CTNNBL1: variants seen among roughly 807,000 people sequenced by gnomAD.
CTNNBL1 encodes the protein catenin beta like 1.
CTNNBL1 carries 31 observed loss-of-function variants against 72.7 expected under a neutral mutation model. The ratio of observed to expected loss-of-function variants is 0.43; its 90% CI spans 0.32 to 0.58. The LOEUF (loss-of-function observed/expected upper bound fraction) is 0.58. Among genes scored for constraint, CTNNBL1 ranks in the 20% least tolerant of loss-of-function variants. CTNNBL1 has a pLI of 0.08. For missense variants in CTNNBL1, 534 were observed against 725.1 expected (o/e 0.74, Z 3.03); for synonymous variants, 240 against 267.3 (o/e 0.90, Z 1.00).
At chr20:37,839,508 A>G (rs1221792354) in intron 11 of CTNNBL1, among the ~76,000 whole-genome samples, 2 of 152,232 alleles carry the variant, frequency 1.3e-5, no homozygotes, top group African/African-American at 4.8e-5. Context: ...ATAGTATTTC[A>G]TAATAGAAGC....
At chr20:37,860,211 A>G (rs1026285591) in intron 14 of CTNNBL1, 61 bp from the exon 15 acceptor site, 10 of 1,515,684 alleles carry the variant, frequency 6.6e-6, no homozygotes, top group Non-Finnish European at 9.2e-6. Context: ...AAGGTGATAC[A>G]TTCTGGTGTG....
At chr20:37,824,745 T>C (rs2122777663) in intron 11 of CTNNBL1, among the ~76,000 whole-genome samples, 1 of 152,326 alleles carries the variant, frequency 6.6e-6, no homozygotes, top group Non-Finnish European at 1.5e-5. Flanking sequence ...GGGATGTTTG[T>C]TTGCTTTTTA....
chr20:37,802,031 C>T (rs1000301358), intron 10 of CTNNBL1, among the ~76,000 whole-genome samples: 10 of 152,184 alleles, frequency 6.6e-5, no homozygotes, highest in Admixed American at 2.6e-4. Context: ...TATTTCTATA[C>T]GCTTGGAGTG....
Position 37,779,214 on chromosome 20 carries a change from G to A in CTNNBL1, c.910G>A (p.Ala304Thr). The part of the protein sequence containing the change: ...SVFKRHNPST[A>T]EEQEMMENLF... ...GTTTAAAAGACACAATCCCAGCACG[G>A]CTGAGGAGCAGGAGATGATGGAGAA... is the stretch of plus-strand genomic sequence containing the variant. Residue 304 changes from alanine (A) to threonine (T), a missense_variant, in exon 10 of 16, where the codon GCT becomes ACT. Coordinates refer to ENST00000361383, the MANE Select transcript of CTNNBL1 (RefSeq NM_030877.5). 1 of 1,613,608 alleles carries A rather than the reference G, an allele frequency of 6.2e-7. No individual in the cohort carries two copies. The highest frequency in any genetic ancestry group is 8.5e-7 in the Non-Finnish European group (1 of 1,179,700).
chr20:37,785,936 T>C (rs2073669311), intron 10 of CTNNBL1, among the ~76,000 whole-genome samples: 1 of 152,260 alleles, frequency 6.6e-6, no homozygotes, highest in Non-Finnish European at 1.5e-5. Flanking sequence ...TTTAAGTCTT[T>C]GGTCACAGCA....
At chr20:37,743,727 G>A (rs566200381) in intron 3 of CTNNBL1, among the ~76,000 whole-genome samples, 5 of 152,078 alleles carry the variant, frequency 3.3e-5, no homozygotes, top group East Asian at 3.9e-4. Context: ...TAAATCTCTG[G>A]GGAAAGATAG....
intron 1 of CTNNBL1, among the ~76,000 whole-genome samples, chr20:37,732,648 G>A (rs1463925563): frequency 6.6e-6 from 1 of 152,194 alleles, no homozygotes; most frequent in Non-Finnish European, 1.5e-5. Context: ...TTGAGTCAGA[G>A]AATTCTTGAA....
intron 15 of CTNNBL1, among the ~76,000 whole-genome samples, chr20:37,868,060 C>G (rs1360378415): frequency 1.3e-5 from 2 of 152,196 alleles, no homozygotes; most frequent in Admixed American, 1.3e-4. Context: ...TTTCTGAGAA[C>G]CCTTCCAACT....
chr20:37,789,887 G>A (rs1339220245), intron 10 of CTNNBL1, among the ~76,000 whole-genome samples: 28 of 152,172 alleles, frequency 1.8e-4, no homozygotes, highest in Admixed American at 1.8e-3. Context: ...GTTCCAGTTA[G>A]AAAGAGAAGA....
chr20:37,837,997 C>T (rs989233855), intron 11 of CTNNBL1, among the ~76,000 whole-genome samples: 1 of 152,158 alleles, frequency 6.6e-6, no homozygotes, highest in African/African-American at 2.4e-5. Flanking sequence ...TTGAGAATAG[C>T]CATGTGAGGC....
At chr20:37,740,020 G>C in intron 3 of CTNNBL1, among the ~76,000 whole-genome samples, 1 of 152,152 alleles carries the variant, frequency 6.6e-6, no homozygotes, top group East Asian at 1.9e-4. Flanking sequence ...AGTTTCTGCA[G>C]GTTATGTTCA....
intron 7 of CTNNBL1, among the ~76,000 whole-genome samples, chr20:37,772,570 G>A (rs554537624): frequency 3.9e-5 from 6 of 152,076 alleles, no homozygotes; most frequent in African/African-American, 7.2e-5. Flanking sequence ...GGATGGTATC[G>A]ATCTCCTGAC....
chr20:37,710,628 T>C (rs910982557), intron 1 of CTNNBL1, among the ~76,000 whole-genome samples: 11 of 152,184 alleles, frequency 7.2e-5, no homozygotes, highest in African/African-American at 9.7e-5. Flanking sequence ...CCACTAATCA[T>C]GAGTCTTTCA....
chr20:37,749,655 A>G (rs2073300353), intron 4 of CTNNBL1, among the ~76,000 whole-genome samples: 1 of 152,070 alleles, frequency 6.6e-6, no homozygotes, highest in Non-Finnish European at 1.5e-5. Flanking sequence ...GAAATTTTTT[A>G]AATTACCTTA....
intron 11 of CTNNBL1, among the ~76,000 whole-genome samples, chr20:37,817,078 T>C (rs1196604847): frequency 6.6e-6 from 1 of 152,226 alleles, no homozygotes; most frequent in African/African-American, 2.4e-5. Flanking sequence ...TTAGCCTGCT[T>C]TATTACTGAG....
chr20:37,804,811 C>T (rs1217271586), intron 11 of CTNNBL1, among the ~76,000 whole-genome samples: 1 of 152,218 alleles, frequency 6.6e-6, no homozygotes, highest in East Asian at 1.9e-4. Context: ...TGCTTTTCTT[C>T]TGAAAAATGT....
At chr20:37,777,769 G>A in intron 9 of CTNNBL1, 57 bp downstream of exon 9, 2 of 1,547,178 alleles carry the variant, frequency 1.3e-6, no homozygotes, top group Non-Finnish European at 1.8e-6. Context: ...CTTTGAATGG[G>A]AGGTGGAGCT....
At position 37,732,909 on chromosome 20, in the gene CTNNBL1, G is replaced by A. The variant is rs1477009790; in HGVS notation, c.61G>A (p.Asp21Asn). 1 of 1,613,960 alleles carries A rather than the reference G, an allele frequency of 6.2e-7. No individual in the cohort carries two copies. Among genetic ancestry groups the A allele is most frequent in the East Asian group, 2.2e-5 (1 of 44,874 alleles). ...TAGGGGCACAAAACGTCCCCGGGAT[G>A]ATGAAGAGGAGGAGCAGAAGATGCG... ...PNRGTKRPRD[D>N]EEEEQKMRRK... The change falls in exon 2 of 16, where the codon GAT becomes AAT. Residue 21 changes from aspartate to asparagine, a missense_variant. By Grantham distance (23) the Asp-to-Asn change is conservative. Transcript: ENST00000361383.
chr20:37,757,720 C>A, intron 5 of CTNNBL1, 64 bp downstream of exon 5: 1 of 1,249,082 alleles, frequency 8.0e-7, no homozygotes, highest in South Asian at 1.3e-5. Flanking sequence ...CCACCACCAT[C>A]GTCTCGGAGA....
Sources: gnomAD v4.1 joint callset for allele counts (sites outside exome capture counted in the v4.1 genomes callset) on GRCh38, gnomAD v4.1.1 for gene constraint, MANE v1.5 for transcripts, NCBI Gene and HGNC (gene_info 2026-07-23, HGNC 2026-07-21) for gene names.